Variants in DCT observed in about 807,000 individuals in gnomAD.
DCT encodes the protein dopachrome tautomerase.
In DCT, 47 loss-of-function variants were observed where a neutral mutation model predicts 53.0. That is an observed-to-expected ratio of 0.89 (90% CI 0.70 to 1.13). The LOEUF is 1.13. DCT is among the 50% of genes most tolerant of loss of function. The pLI, the probability that DCT is intolerant of heterozygous loss-of-function variation, is 0.00. For synonymous variants in DCT, 244 were observed against 237.0 expected (o/e 1.03, Z -0.27); for missense variants, 669 against 637.4 (o/e 1.05, Z -0.53).
At chr13:94,485,704 G>A in the DCT span, among the ~76,000 whole-genome samples, 7 of 152,296 alleles carry the variant, frequency 4.6e-5, no homozygotes, top group East Asian at 1.3e-3. Flanking sequence ...AAGGAGAGCA[G>A]AGAAAACAAA....
At position 94,439,856 on chromosome 13, in the gene DCT, G is replaced by A. The variant is rs776648427; in HGVS notation, c.*42C>T. On this transcript the variant is annotated 3_prime_UTR_variant, in exon 8 of 8. Coordinates refer to ENST00000377028, the MANE Select transcript of DCT (RefSeq NM_001922.5). Reference sequence around the variant, plus strand: ...TTCCTTTATTGTCAGCGTCAGAACTGTGGCTTGGCCAGCCTCTTCTCTTAG... The same window carrying A: ...TTCCTTTATTGTCAGCGTCAGAACTATGGCTTGGCCAGCCTCTTCTCTTAG... 10 of 1,502,246 alleles carry A rather than the reference G, an allele frequency of 6.7e-6. No individual in the cohort carries two copies. Among genetic ancestry groups the A allele is most frequent in the Non-Finnish European group, 9.1e-6 (10 of 1,097,412 alleles). 93.1% of individuals were successfully genotyped at this position (1,502,246 alleles called of 1,614,324 possible).
chr13:94,476,123 T>C (rs1309490118), intron 1 of DCT, among the ~76,000 whole-genome samples: 1 of 151,432 alleles, frequency 6.6e-6, no homozygotes, highest in Non-Finnish European at 1.5e-5. Flanking sequence ...AGCCTGGACT[T>C]AAAGAACAGG....
intron 6 of DCT, among the ~76,000 whole-genome samples, chr13:94,450,267 G>T (rs1882991262): frequency 6.6e-6 from 1 of 152,074 alleles, no homozygotes; most frequent in Non-Finnish European, 1.5e-5. Flanking sequence ...CCAGTCTCTG[G>T]TATTTTTGTT....
the DCT span, among the ~76,000 whole-genome samples, chr13:94,508,350 C>T: frequency 3.8e-3 from 576 of 152,284 alleles, 2 homozygotes; most frequent in Middle Eastern, 0.01. Context: ...TACTGGACCC[C>T]AAGAAAGGTC....
At chr13:94,483,056 G>A (rs747907019), upstream of DCT, among the ~76,000 whole-genome samples, 17 of 152,064 alleles carry the variant, frequency 1.1e-4, no homozygotes, top group Middle Eastern at 3.4e-3. Flanking sequence ...GGCAGATCAC[G>A]TGAGCCCAGG....
chr13:94,501,153 C>T, the DCT span, among the ~76,000 whole-genome samples: 5 of 152,106 alleles, frequency 3.3e-5, no homozygotes, highest in African/African-American at 4.8e-5. Flanking sequence ...CCTGCAGTCC[C>T]AGCTACTCAG....
chr13:94,476,180 C>CTTT lies in DCT; in HGVS notation c.295+2778_295+2780dup, dbSNP rs529819051. ...GGGCTTTTTAGAGCAGGGGGAGCCTCTTTTTTTTTTTTTTTTTTTTTTTTT... is the reference window on the plus strand; with the variant it reads ...GGGCTTTTTAGAGCAGGGGGAGCCTCTTTTTTTTTTTTTTTTTTTTTTTTTTTT... On this transcript the variant is annotated intron_variant, in intron 1 of 7. Coordinates refer to ENST00000377028, the MANE Select transcript of DCT (RefSeq NM_001922.5). Among the ~76,000 whole-genome samples the CTTT allele has an allele frequency of 8.8e-4, 64 of 72,732 alleles. 4 individuals are homozygous for CTTT. The highest frequency in any genetic ancestry group is 3.2e-3 in the African/African-American group (58 of 18,046). The allele number at this position is 72,732 out of a possible 152,430, so 47.7% of individuals were successfully genotyped here.
the DCT span, among the ~76,000 whole-genome samples, chr13:94,524,058 C>T: frequency 2.0e-5 from 3 of 152,162 alleles, no homozygotes; most frequent in Admixed American, 2.0e-4. Context: ...TGAGCTAATA[C>T]CTCCCCCTTT....
At chr13:94,464,243 A>G (rs74103935) in intron 4 of DCT, among the ~76,000 whole-genome samples, 7,771 of 152,326 alleles carry the variant, frequency 0.051, 646 homozygotes, top group African/African-American at 0.17. Context: ...ATGCAGGCTC[A>G]GGGTGTTGGC....
the DCT span, among the ~76,000 whole-genome samples, chr13:94,513,613 G>C: frequency 6.6e-6 from 1 of 152,034 alleles, no homozygotes; most frequent in Admixed American, 6.6e-5. Context: ...AGCAGCCAGA[G>C]GTCCACACAC....
chr13:94,465,789 C>A lies in DCT; in HGVS notation c.707G>T (p.Gly236Val). The A allele has an allele frequency of 6.2e-7, 1 of 1,609,306 alleles. No homozygotes were observed. The highest frequency in any genetic ancestry group is 8.5e-7 in the Non-Finnish European group (1 of 1,177,580). ...GTAGGGCAAAGCAAAAGACTCATTG[C>A]CAATGAGTCGCTAAAAGCAAAGGGC... Reference protein sequence around the residue: ...CLERDLQRLIGNESFALPYWN... With the variant: ...CLERDLQRLIVNESFALPYWN... Residue 236 changes from glycine to valine, a missense_variant, in exon 4 of 8, where the codon GGC (glycine) becomes GTC (valine). Physicochemically the swap from Gly to Val is moderately radical, Grantham distance 109. Transcript: ENST00000377028.
chr13:94,479,274 G>GCT lies in DCT; in HGVS notation c.-21_-20dup, dbSNP rs151203596. On this transcript the variant is annotated 5_prime_UTR_variant, in exon 1 of 8. Transcript: ENST00000377028. ...GGCTCATGGCTTTATAATTGGGAGA[G>GCT]CTCTCTCTCTCTCTTACTTTCCTTG... 1.3e-4 allele frequency: 194 copies of GCT among 1,519,270 alleles called. No individual in the cohort carries two copies. Among genetic ancestry groups the GCT allele is most frequent in the African/African-American group, 8.9e-4 (64 of 72,314 alleles). 94.1% of individuals were successfully genotyped at this position (1,519,270 alleles called of 1,614,324 possible).
In DCT at chr13:94,438,529, C is replaced by A; in HGVS notation, c.*1369G>T. Reference sequence around the variant, plus strand: ...CTCCAGGGACCTCTTAACACCCATTCTTTACATTCATTCATTCCAGTAGAG... The same window carrying A: ...CTCCAGGGACCTCTTAACACCCATTATTTACATTCATTCATTCCAGTAGAG... On this transcript the variant is annotated 3_prime_UTR_variant, in exon 8 of 8. Coordinates refer to ENST00000377028, the MANE Select transcript of DCT (RefSeq NM_001922.5). The A allele has an allele frequency of 2.2e-6, 1 of 452,974 alleles. No individual in the cohort carries two copies. The allele number at this position is 452,974 out of a possible 1,614,324, so 28.1% of individuals were successfully genotyped here. A position where few individuals can be genotyped will look rare whatever the true frequency, so the allele number is the denominator to read the frequency against.
the DCT span, among the ~76,000 whole-genome samples, chr13:94,485,161 CA>C: frequency 6.6e-6 from 1 of 151,982 alleles, no homozygotes; most frequent in Non-Finnish European, 1.5e-5. Flanking sequence ...AGAGGAACTT[CA>C]GGGGGATCTT....
chr13:94,495,174 A>T, the DCT span, among the ~76,000 whole-genome samples: 2 of 151,706 alleles, frequency 1.3e-5, no homozygotes, highest in East Asian at 3.9e-4. Context: ...TTGGCTCACT[A>T]CAACCTCTGC....
chr13:94,525,057 CCT>C, the DCT span, among the ~76,000 whole-genome samples: 1 of 151,996 alleles, frequency 6.6e-6, no homozygotes, highest in African/African-American at 2.4e-5. Context: ...GAAACCAGCC[CCT>C]GAGATCTTCT....
chr13:94,501,098 C>G, the DCT span, among the ~76,000 whole-genome samples: 2 of 152,010 alleles, frequency 1.3e-5, no homozygotes, highest in African/African-American at 4.8e-5. Context: ...AACCCCATCT[C>G]TACTAAAAAT....
chr13:94,514,739 C>T, the DCT span, among the ~76,000 whole-genome samples: 2 of 152,262 alleles, frequency 1.3e-5, no homozygotes, highest in East Asian at 1.9e-4. Flanking sequence ...AAAAGATGGA[C>T]GTGGAGACCT....
chr13:94,445,456 A>C (rs545107966), intron 6 of DCT, among the ~76,000 whole-genome samples: 1 of 152,202 alleles, frequency 6.6e-6, no homozygotes, highest in Non-Finnish European at 1.5e-5. Context: ...GAGGCTCAAG[A>C]TTTCAGGAAG....
Sources: gnomAD v4.1 joint callset for allele counts (sites outside exome capture counted in the v4.1 genomes callset) on GRCh38, gnomAD v4.1.1 for gene constraint, MANE v1.5 for transcripts, NCBI Gene and HGNC (gene_info 2026-07-23, HGNC 2026-07-21) for gene names.